CACNA1H: variants seen among roughly 807,000 people sequenced by gnomAD.
CACNA1H encodes calcium voltage-gated channel subunit alpha1 H, also known as voltage-dependent T-type calcium channel subunit alpha-1H.
CACNA1H carries 149 observed loss-of-function variants against 192.5 expected under a neutral mutation model. The observed-to-expected ratio is 0.77, with a 90% confidence interval of 0.68 to 0.89. CACNA1H has a LOEUF of 0.89. CACNA1H is among the 40% of genes least tolerant of loss of function. CACNA1H has a pLI of 0.00. For missense variants in CACNA1H, 4,257 were observed against 3,423.5 expected (o/e 1.24, Z -6.08); for synonymous variants, 2,202 against 1,475.2 (o/e 1.49, Z -11.29).
chr16:1,183,715 C>T (rs1315458178), intron 2 of CACNA1H, among the ~76,000 whole-genome samples: 1 of 152,238 alleles, frequency 6.6e-6, no homozygotes, highest in East Asian at 1.9e-4. Context: ...TGTCATCTAC[C>T]CTGTGAGGCT....
At chr16:1,207,518 G>A in intron 14 of CACNA1H, 88 bp downstream of exon 14, 1 of 1,382,862 alleles carries the variant, frequency 7.2e-7, no homozygotes, top group Non-Finnish European at 1.0e-6. Flanking sequence ...TGGGGGGCCT[G>A]CCAAGAGGTG....
intron 14 of CACNA1H, among the ~76,000 whole-genome samples, 155 bp downstream of exon 14, chr16:1,207,585 G>A (rs1013306384): frequency 3.5e-4 from 53 of 152,218 alleles, no homozygotes; most frequent in Admixed American, 1.2e-3. Context: ...GGAGCCCAGC[G>A]GAGTGGGCAG....
chr16:1,155,732 T>G (rs1416487175), intron 2 of CACNA1H, among the ~76,000 whole-genome samples: 1 of 151,992 alleles, frequency 6.6e-6, no homozygotes, highest in African/African-American at 2.4e-5. Flanking sequence ...CTGGCCCCGG[T>G]GTTCTGGGCT....
chr16:1,215,428 C>T (rs1969936634), intron 29 of CACNA1H, 53 bp downstream of exon 29: 5 of 1,582,356 alleles, frequency 3.2e-6, no homozygotes, highest in South Asian at 2.3e-5. Flanking sequence ...GGTGGGGGCT[C>T]AGCCATGGGT....
intron 2 of CACNA1H, among the ~76,000 whole-genome samples, chr16:1,194,340 G>A (rs1966842060): frequency 6.6e-6 from 1 of 152,170 alleles, no homozygotes; most frequent in Non-Finnish European, 1.5e-5. Flanking sequence ...CCTTAAGGAA[G>A]GTCCCTCCTG....
intron 2 of CACNA1H, among the ~76,000 whole-genome samples, chr16:1,164,756 T>C (rs574777027): frequency 6.6e-6 from 1 of 152,246 alleles, no homozygotes; most frequent in Non-Finnish European, 1.5e-5. Context: ...GTTCTGTCGG[T>C]GGAGCTGGGG....
chr16:1,217,769 C>T (rs942233902), intron 31 of CACNA1H, 150 bp from the exon 32 acceptor site: 23 of 1,064,608 alleles, frequency 2.2e-5, no homozygotes, highest in Middle Eastern at 3.1e-4. Flanking sequence ...CACCCTCTGC[C>T]AGGCAGGGCG....
chr16:1,200,159 C>T lies in CACNA1H; in HGVS notation c.804-97C>T. The T allele has an allele frequency of 1.1e-5, 11 of 995,848 alleles. No individual in the cohort carries two copies. The South Asian group carries it at 1.6e-4, about 15-fold the overall frequency. 61.7% of individuals were successfully genotyped at this position (995,848 alleles called of 1,614,324 possible). On this transcript the variant is annotated intron_variant, in intron 6 of 34. Coordinates refer to ENST00000348261, the MANE Select transcript of CACNA1H (RefSeq NM_021098.3). ...ACTGGCCCTGACCCTGATCACGTCC[C>T]TGACCTTGATCACGTCCCTGATCAC...
chr16:1,220,178 G>T lies in CACNA1H; in HGVS notation c.6246G>T (p.Arg2082=), dbSNP rs1970369354. The part of the protein sequence containing the change: ...HTFGQRCVSS[R]PAAPGGEEAE... ...TCGGACAGCGCTGCGTCTCCAGCCG[G>T]CCGGCGGCCCCAGGCGGAGAGGAGG... is the stretch of plus-strand genomic sequence containing the variant. The change falls in exon 35 of 35, where the codon CGG becomes CGT. Residue 2082 remains arginine, a synonymous_variant. Transcript: ENST00000348261. 1 of 1,521,130 alleles carries T rather than the reference G, an allele frequency of 6.6e-7. No individual in the cohort carries two copies. The highest frequency in any genetic ancestry group is 8.8e-7 in the Non-Finnish European group (1 of 1,138,778). The allele number at this position is 1,521,130 out of a possible 1,614,324, so 94.2% of individuals were successfully genotyped here.
chr16:1,163,525 G>T (rs114876419), intron 2 of CACNA1H, among the ~76,000 whole-genome samples: 2,696 of 152,356 alleles, frequency 0.018, 83 homozygotes, highest in African/African-American at 0.061. Flanking sequence ...GCCACGACCT[G>T]CCGGGAAGGT....
chr16:1,167,270 G>A lies in CACNA1H; in HGVS notation c.299+13234G>A, dbSNP rs112521505. On this transcript the variant is annotated intron_variant, in intron 2 of 34. Coordinates refer to ENST00000348261, the MANE Select transcript of CACNA1H (RefSeq NM_021098.3). This position sits in a 1 kb window ranked among gnomAD's most constrained non-coding sequence, Gnocchi z 4.2. ...CTCCTGTCAGCAGCCCGTCCCGGTG[G>A]GTGGGGCTTGCCGGCCGCCCGCGAA... is the stretch of plus-strand genomic sequence containing the variant. Among the ~76,000 whole-genome samples the A allele has an allele frequency of 0.018, 2,758 of 152,272 alleles. 76 individuals carry two copies. The highest frequency in any genetic ancestry group is 0.061 in the African/African-American group (2,534 of 41,552).
In CACNA1H at chr16:1,209,061, CT is replaced by C. The variant is rs1442366559; in HGVS notation, c.3394del (p.Trp1132GlyfsTer212). ...GCCTCCGAAGTTCTCCCTGTGCCCCCTGGGGCCCCAGTGGCGCCTGGAGCAG... is the reference window on the plus strand; with the variant it reads ...GCCTCCGAAGTTCTCCCTGTGCCCCCGGGGCCCCAGTGGCGCCTGGAGCAG... ...ASLRSSPCAP[W>X]GPSGAWSSRR... On this transcript the variant is annotated frameshift_variant, in exon 17 of 35. Transcript: ENST00000348261. LOFTEE classifies it high-confidence loss of function. The C allele has an allele frequency of 1.3e-6, 2 of 1,539,172 alleles. No individual in the cohort carries two copies. Among genetic ancestry groups the C allele is most frequent in the Non-Finnish European group, 1.7e-6 (2 of 1,148,288 alleles).
intron 25 of CACNA1H, 46 bp from the exon 26 acceptor site, chr16:1,212,465 A>G (rs1443313101): frequency 6.3e-7 from 1 of 1,586,870 alleles, no homozygotes; most frequent in Non-Finnish European, 8.6e-7. Context: ...TCCAGGCCCG[A>G]GTGCGCCACG....
In CACNA1H at chr16:1,209,400, C is replaced by T. The variant is rs755463348; in HGVS notation, c.3732C>T (p.Asp1244=). The T allele has an allele frequency of 1.8e-5, 28 of 1,597,654 alleles. No individual in the cohort carries two copies. The highest frequency in any genetic ancestry group is 8.8e-5 in the South Asian group (8 of 91,040). ...SHREDAAELD[D]DSEDSCCLRL... ...GTGAGGATGCAGCCGAGCTTGACGA[C>T]GACTCGGAGGACGTGAGTGCGTGGC... The change falls in exon 17 of 35, where the codon GAC becomes GAT. Residue 1244 remains aspartate (D), a synonymous_variant. Transcript: ENST00000348261.
intron 2 of CACNA1H, among the ~76,000 whole-genome samples, chr16:1,177,439 C>T (rs1426162317): frequency 1.3e-5 from 2 of 152,344 alleles, no homozygotes; most frequent in Middle Eastern, 3.4e-3. Flanking sequence ...GCCCCGGAGT[C>T]CCCCAAGCTG....
intron 10 of CACNA1H, 35 bp from the exon 11 acceptor site, chr16:1,205,079 G>T (rs1234084995): frequency 1.9e-6 from 3 of 1,581,144 alleles, no homozygotes; most frequent in Non-Finnish European, 2.6e-6. Context: ...AGCCGCGGGT[G>T]CGGCCTCCTG....
rs778090114 is a variant in CACNA1H at position 1,215,279 on chromosome 16, C to G, written c.5077C>G (p.Leu1693Val). 3.7e-6 allele frequency: 6 copies of G among 1,608,108 alleles called. No homozygotes were observed. The highest frequency in any genetic ancestry group is 5.1e-6 in the Non-Finnish European group (6 of 1,177,820). Reference protein sequence around the residue: ...QLDLAIVLLSLMGITLEEIEM... With the variant: ...QLDLAIVLLSVMGITLEEIEM... ...GGACCTGGCCATCGTGCTGCTGTCA[C>G]TCATGGGCATCACGCTGGAGGAGAT... Residue 1693 changes from leucine (L) to valine (V), a missense_variant, in exon 29 of 35, where the codon CTC (leucine) becomes GTC (valine). Transcript: ENST00000348261.
Position 1,206,147 on chromosome 16 carries a change from C to A in CACNA1H, c.2647C>A (p.Leu883Met). The A allele has an allele frequency of 1.3e-6, 2 of 1,586,788 alleles. No homozygotes were observed. Among genetic ancestry groups the A allele is most frequent in the South Asian group, 1.2e-5 (1 of 86,554 alleles). ...VGQADGGLSV[L>M]RTFRLLRVLK... The stretch of plus-strand genomic sequence containing the variant: ...GCAGGCGGACGGTGGCTTGTCTGTG[C>A]TGCGCACCTTCCGGCTGCTGCGTGT... Residue 883 changes from leucine to methionine, a missense_variant, in exon 12 of 35, where the codon CTG becomes ATG. Leu to Met is a conservative substitution (Grantham distance 15). Coordinates refer to ENST00000348261, the MANE Select transcript of CACNA1H (RefSeq NM_021098.3).
intron 9 of CACNA1H, among the ~76,000 whole-genome samples, chr16:1,202,974 G>C (rs557005244): frequency 2.6e-4 from 39 of 152,136 alleles, no homozygotes; most frequent in Non-Finnish European, 4.3e-4. Flanking sequence ...TGTCCACCAG[G>C]TGAATGGGAG....
Sources: gnomAD v4.1 joint callset for allele counts (sites outside exome capture counted in the v4.1 genomes callset) on GRCh38, gnomAD v4.1.1 for gene constraint, Gnocchi (gnomAD v3.1) non-coding constraint, MANE v1.5 for transcripts, NCBI Gene and HGNC (gene_info 2026-07-23, HGNC 2026-07-21) for gene names.